Variants in DIAPH2 observed in about 807,000 individuals in gnomAD.
DIAPH2 encodes the protein diaphanous related formin 2.
DIAPH2 carries 35 observed loss-of-function variants against 92.7 expected under a neutral mutation model. The ratio of observed to expected loss-of-function variants is 0.38; its 90% CI spans 0.29 to 0.50. The LOEUF (loss-of-function observed/expected upper bound fraction) is 0.50, where lower values mean the gene tolerates loss of function less well. DIAPH2 is among the 20% of genes least tolerant of loss of function. The pLI is 0.94. For missense variants in DIAPH2, 701 were observed against 819.5 expected (o/e 0.86, Z 1.77); for synonymous variants, 301 against 280.4 (o/e 1.07, Z -0.73).
intron 1 of DIAPH2, among the ~76,000 whole-genome samples, chrX:96,705,986 A>C (rs2063883655): frequency 8.9e-6 from 1 of 112,638 alleles, no homozygotes; most frequent in South Asian, 3.6e-4. Context: ...TACCTGGCCC[A>C]TAGATTTGTT....
At chrX:97,348,444 G>A (rs751537548) in intron 24 of DIAPH2, among the ~76,000 whole-genome samples, 164 bp downstream of exon 24, 2 of 111,731 alleles carry the variant, frequency 1.8e-5, no homozygotes, top group African/African-American at 3.3e-5. Flanking sequence ...TAAAAATTAA[G>A]TTATAAGTCA....
At chrX:97,101,520 G>T (rs944687870) in intron 20 of DIAPH2, among the ~76,000 whole-genome samples, 5 of 110,771 alleles carry the variant, frequency 4.5e-5, no homozygotes, top group Non-Finnish European at 9.5e-5. Context: ...GTCTGGGGGT[G>T]GGGGGCGGAA....
chrX:97,213,025 G>A (rs1189373794), intron 22 of DIAPH2, among the ~76,000 whole-genome samples: 1 of 111,753 alleles, frequency 8.9e-6, no homozygotes. Context: ...TGTAGAAAAT[G>A]CAGTTTCAGT....
intron 4 of DIAPH2, among the ~76,000 whole-genome samples, chrX:96,856,470 A>C (rs1190409576): frequency 3.2e-5 from 3 of 94,747 alleles, no homozygotes; most frequent in African/African-American, 1.2e-4. Context: ...GTGCTTTCTT[A>C]CTGTGGTTAC....
intron 26 of DIAPH2, among the ~76,000 whole-genome samples, chrX:97,435,168 T>G (rs1408861183): frequency 8.9e-6 from 1 of 111,767 alleles, no homozygotes; most frequent in East Asian, 2.8e-4. Flanking sequence ...TTCTAATGAC[T>G]TTTTGAAGAG....
chrX:96,804,759 AT>A (rs1238213482), intron 4 of DIAPH2, among the ~76,000 whole-genome samples: 2 of 111,709 alleles, frequency 1.8e-5, no homozygotes, highest in African/African-American at 6.5e-5. Context: ...ATATGCTAAA[AT>A]TTAAAAATAA....
At chrX:96,831,854 A>G (rs966899601) in intron 4 of DIAPH2, among the ~76,000 whole-genome samples, 7 of 111,349 alleles carry the variant, frequency 6.3e-5, no homozygotes, top group African/African-American at 2.3e-4. Context: ...TGTCCTCACT[A>G]GTGTCCTGGG....
intron 24 of DIAPH2, among the ~76,000 whole-genome samples, chrX:97,377,192 T>C (rs1017562878): frequency 6.2e-5 from 7 of 112,029 alleles, no homozygotes; most frequent in African/African-American, 2.3e-4. Context: ...CTGGAGGACT[T>C]GAAGGACCTG....
intron 26 of DIAPH2, among the ~76,000 whole-genome samples, chrX:97,461,266 G>A (rs1470051882): frequency 9.5e-6 from 1 of 105,629 alleles, no homozygotes. Flanking sequence ...ATATCATTAT[G>A]GCTATTGTGA....
At chrX:97,302,211 CAAAAAAAAAAA>C (rs35039257) in intron 23 of DIAPH2, among the ~76,000 whole-genome samples, 9 of 26,694 alleles carry the variant, frequency 3.4e-4, no homozygotes, top group Non-Finnish European at 5.7e-4. Flanking sequence ...GACTCCATCT[CAAAAAAAAAAA>C]AAAAAAAAAA....
At chrX:97,011,841 G>A (rs1009670953) in intron 17 of DIAPH2, among the ~76,000 whole-genome samples, 1 of 91,429 alleles carries the variant, frequency 1.1e-5, no homozygotes. Flanking sequence ...GCAGTGAGCC[G>A]AGATCGCATC....
intron 23 of DIAPH2, among the ~76,000 whole-genome samples, chrX:97,312,873 G>T (rs998824516): frequency 9.0e-6 from 1 of 110,629 alleles, no homozygotes; most frequent in Non-Finnish European, 1.9e-5. Flanking sequence ...TTAGTTTACC[G>T]AAGTCTAAAT....
chrX:97,326,873 G>C (rs367625113), intron 23 of DIAPH2, among the ~76,000 whole-genome samples: 1 of 111,923 alleles, frequency 8.9e-6, no homozygotes, highest in East Asian at 2.8e-4. Context: ...AGTCTCTGGA[G>C]TATTTTTAAT....
intron 23 of DIAPH2, among the ~76,000 whole-genome samples, chrX:97,305,496 AAAAC>A (rs772538612): frequency 1.2e-4 from 13 of 107,448 alleles, no homozygotes; most frequent in Admixed American, 4.0e-4. Flanking sequence ...TCCGTCTCAA[AAAAC>A]AAACAAACAA....
At chrX:97,532,148 G>A (rs181208730) in intron 26 of DIAPH2, among the ~76,000 whole-genome samples, 5 of 112,508 alleles carry the variant, frequency 4.4e-5, no homozygotes, top group Admixed American at 9.4e-5. Flanking sequence ...GATATTTTAC[G>A]ACTATTTGGG....
intron 9 of DIAPH2, among the ~76,000 whole-genome samples, chrX:96,922,375 TC>T (rs1238416331): frequency 9.0e-6 from 1 of 111,378 alleles, no homozygotes; most frequent in African/African-American, 3.3e-5. Flanking sequence ...CCTCAACACT[TC>T]TTTCTTTTTT....
At chrX:96,760,762 A>G (rs996967710) in intron 4 of DIAPH2, among the ~76,000 whole-genome samples, 1 of 111,503 alleles carries the variant, frequency 9.0e-6, no homozygotes, top group East Asian at 2.8e-4. Flanking sequence ...AAAGGAAACC[A>G]TAAGATAATA....
At chrX:97,055,195 G>T (rs1569560) in intron 17 of DIAPH2, among the ~76,000 whole-genome samples, 37,398 of 107,129 alleles carry the variant, frequency 0.35, 5,755 homozygotes, top group South Asian at 0.53. Context: ...GGGATTACAG[G>T]TGTGAGCCAC....
intron 4 of DIAPH2, among the ~76,000 whole-genome samples, chrX:96,815,580 G>C (rs767418557): frequency 8.9e-6 from 1 of 112,369 alleles, no homozygotes; most frequent in African/African-American, 3.2e-5. Flanking sequence ...ACCTCAGTTA[G>C]AAATGCAGAA....
Sources: allele counts gnomAD v4.1 joint callset (sites outside exome capture counted in the v4.1 genomes callset), GRCh38; gene constraint gnomAD v4.1.1; transcripts MANE v1.5; gene names NCBI Gene and HGNC (gene_info 2026-07-23, HGNC 2026-07-21).